LARGE1: variants seen among roughly 807,000 people sequenced by gnomAD.
The protein encoded by LARGE1 is LARGE xylosyl- and glucuronyltransferase 1.
LARGE1 carries 43 observed loss-of-function variants against 87.6 expected under a neutral mutation model. The observed-to-expected ratio is 0.49, with a 90% confidence interval of 0.38 to 0.63. LARGE1 has a LOEUF of 0.63. Ranked by LOEUF, LARGE1 falls within the 30% of genes least tolerant of loss-of-function variation. The pLI, the probability that LARGE1 is intolerant of heterozygous loss-of-function variation, is 0.00. For missense variants in LARGE1, 802 were observed against 1,000.2 expected (o/e 0.80, Z 2.67); for synonymous variants, 434 against 394.6 (o/e 1.10, Z -1.18).
intron 9 of LARGE1, among the ~76,000 whole-genome samples, chr22:33,373,206 T>C (rs1460613186): frequency 6.6e-6 from 1 of 152,214 alleles, no homozygotes; most frequent in Non-Finnish European, 1.5e-5. Context: ...TGAGCTTTGC[T>C]ATTAAAAATA....
chr22:33,289,230 T>A (rs1932101352), intron 12 of LARGE1, among the ~76,000 whole-genome samples: 1 of 152,160 alleles, frequency 6.6e-6, no homozygotes, highest in Non-Finnish European at 1.5e-5. Context: ...AGTGCTGGAA[T>A]TACAGGCATG....
At chr22:33,777,995 T>A (rs1275049180) in intron 1 of LARGE1, among the ~76,000 whole-genome samples, 1 of 152,096 alleles carries the variant, frequency 6.6e-6, no homozygotes, top group Non-Finnish European at 1.5e-5. Context: ...TAGAGCAACA[T>A]CTCCTTTGCC....
chr22:33,845,279 G>GA (rs2063396932), intron 1 of LARGE1, among the ~76,000 whole-genome samples: 2 of 151,998 alleles, frequency 1.3e-5, no homozygotes, highest in Admixed American at 6.6e-5. Flanking sequence ...TTCCAGGATG[G>GA]GATGTATAAT....
chr22:33,387,017 G>C (rs1326437567), intron 7 of LARGE1, among the ~76,000 whole-genome samples: 1 of 148,222 alleles, frequency 6.7e-6, no homozygotes, highest in East Asian at 1.9e-4. Context: ...GGCAGGAGAA[G>C]TGCTTGAATC....
intron 11 of LARGE1, among the ~76,000 whole-genome samples, chr22:33,201,736 G>A (rs1284983926): frequency 1.3e-5 from 2 of 152,210 alleles, no homozygotes; most frequent in Non-Finnish European, 2.9e-5. Context: ...GCCAGATCCT[G>A]TTGGGTCTTG....
Position 33,363,765 on chromosome 22 carries a change from G to A in LARGE1, c.1131+18154C>T, listed in dbSNP as rs116788361. Among the ~76,000 whole-genome samples the A allele has an allele frequency of 3.4e-3, 513 of 150,174 alleles. 24 individuals are homozygous for A. The highest frequency in any genetic ancestry group is 0.012 in the African/African-American group (495 of 40,910). The stretch of plus-strand genomic sequence containing the variant: ...CACTGCTTTTGCACTTTGGAGCCAT[G>A]ACGAAGTAAAATTAGGGCGACTTGA... On this transcript the variant is annotated intron_variant, in intron 9 of 14. Coordinates refer to ENST00000397394, the MANE Select transcript of LARGE1 (RefSeq NM_133642.5).
At position 33,753,994 on chromosome 22, in the gene LARGE1, G is replaced by A. The variant is rs557181520; in HGVS notation, c.106+7377C>T. On this transcript the variant is annotated intron_variant, in intron 2 of 14. Transcript: ENST00000397394. The stretch of plus-strand genomic sequence containing the variant: ...GGAGAATTGCTTGAACCTGGGAGGC[G>A]GAGGTTGCAATGAGCTGAGATTGCG... Among the ~76,000 whole-genome samples, 29 of 152,146 alleles carry A rather than the reference G, an allele frequency of 1.9e-4. No individual in the cohort carries two copies. The East Asian group carries it at 5.0e-3, about 26-fold the overall frequency.
At chr22:33,587,735 ATT>A (rs5845098) in intron 5 of LARGE1, among the ~76,000 whole-genome samples, 30 of 147,996 alleles carry the variant, frequency 2.0e-4, no homozygotes, top group Admixed American at 4.7e-4. Context: ...TTCCTTTAAG[ATT>A]TTTTTTTTTT....
At chr22:33,604,691 TG>T (rs1217683017) in intron 4 of LARGE1, 133 bp from the exon 5 acceptor site, 10 of 1,242,508 alleles carry the variant, frequency 8.0e-6, no homozygotes, top group African/African-American at 1.5e-5. Flanking sequence ...AAATCTGGAA[TG>T]TTACGAAAAC....
chr22:33,150,000 T>C, the LARGE1 span, among the ~76,000 whole-genome samples: 1 of 152,350 alleles, frequency 6.6e-6, no homozygotes, highest in South Asian at 2.1e-4. Flanking sequence ...ATGTTAAAAC[T>C]AACCCAAAAG....
intron 1 of LARGE1, among the ~76,000 whole-genome samples, chr22:33,784,876 C>T (rs544835053): frequency 4.7e-5 from 7 of 149,672 alleles, no homozygotes; most frequent in African/African-American, 1.5e-4. Flanking sequence ...CGTATTTATA[C>T]TATATTTGTA....
At position 33,274,524 on chromosome 22, in the gene LARGE1, A is replaced by T; in HGVS notation, c.2174T>A (p.Ile725Asn). The T allele has an allele frequency of 3.1e-6, 5 of 1,614,116 alleles. No individual in the cohort carries two copies. The highest frequency in any genetic ancestry group is 4.2e-6 in the Non-Finnish European group (5 of 1,180,026). The change falls in exon 15 of 15, where the codon ATC becomes AAC. Residue 725 changes from isoleucine (I) to asparagine (N), a missense_variant. Coordinates refer to ENST00000397394, the MANE Select transcript of LARGE1 (RefSeq NM_133642.5). ...TKFRSNKQYR[I>N]CLKTLKEEFQ... The stretch of plus-strand genomic sequence containing the variant: ...CTCTTCCTTGAGGGTTTTGAGACAG[A>T]TGCGGTATTGCTTGTTGGAACGGAA...
intron 9 of LARGE1, among the ~76,000 whole-genome samples, chr22:33,356,105 A>T (rs537533172): frequency 6.6e-6 from 1 of 152,352 alleles, no homozygotes; most frequent in South Asian, 2.1e-4. Flanking sequence ...TACACTCTGG[A>T]AAATGCTGTC....
rs541799984 is a variant in LARGE1, at chr22:33,263,875, G to A, written c.1730+40354C>T. On this transcript the variant is annotated intron_variant, in intron 11 of 11. Coordinates refer to the LARGE1 transcript ENST00000608642. ...GCAGAAGAGCACAGCGGTTAAGAAC[G>A]AACTCTGGGGTTGAGCTACCTGGGT... Among the ~76,000 whole-genome samples the A allele has an allele frequency of 5.9e-5, 9 of 152,322 alleles. No homozygotes were observed. The South Asian group carries it at 8.3e-4, about 14-fold the overall frequency.
chr22:33,096,558 T>C, the LARGE1 span, among the ~76,000 whole-genome samples: 1 of 91,780 alleles, frequency 1.1e-5, no homozygotes, highest in South Asian at 4.2e-4. Context: ...TTGTTTGTTT[T>C]TGTTTTTGTT....
chr22:33,448,131 G>T (rs2067765056), intron 6 of LARGE1, among the ~76,000 whole-genome samples: 1 of 152,162 alleles, frequency 6.6e-6, no homozygotes, highest in Non-Finnish European at 1.5e-5. Flanking sequence ...TGGGTTCGCG[G>T]TGTTTTCCTG....
At chr22:33,274,764 A>G in intron 14 of LARGE1, 140 bp from the exon 15 acceptor site, 1 of 780,776 alleles carries the variant, frequency 1.3e-6, no homozygotes, top group Non-Finnish European at 2.2e-6. Context: ...GGACAGCACA[A>G]CAGCTTTGGA....
chr22:33,518,029 G>A (rs5754583), intron 6 of LARGE1, among the ~76,000 whole-genome samples: 4 of 152,276 alleles, frequency 2.6e-5, no homozygotes, highest in South Asian at 4.2e-4. Flanking sequence ...TGGGATCTGA[G>A]GCACCCTCTC....
At chr22:33,090,177 C>G in the LARGE1 span, among the ~76,000 whole-genome samples, 1 of 152,126 alleles carries the variant, frequency 6.6e-6, no homozygotes, top group Non-Finnish European at 1.5e-5. Flanking sequence ...TGTAGTCCAG[C>G]CTGGGTGACA....
Sources: gnomAD v4.1 joint callset for allele counts (sites outside exome capture counted in the v4.1 genomes callset) on GRCh38, gnomAD v4.1.1 for gene constraint, MANE v1.5 for transcripts, NCBI Gene and HGNC (gene_info 2026-07-23, HGNC 2026-07-21) for gene names.